SPAG17: variants seen among roughly 807,000 people sequenced by gnomAD.
The protein encoded by SPAG17 is sperm-associated antigen 17.
SPAG17 carries 169 observed loss-of-function variants against 273.6 expected under a neutral mutation model. That is an observed-to-expected ratio of 0.62 (90% CI 0.55 to 0.70). SPAG17 has a LOEUF of 0.70. Among genes scored for constraint, SPAG17 ranks in the 30% least tolerant of loss-of-function variants. The pLI, the probability that SPAG17 is intolerant of heterozygous loss-of-function variation, is 0.00. For synonymous variants in SPAG17, 825 were observed against 873.2 expected, an observed-to-expected ratio of 0.94 and a Z score of 0.97; for missense variants, 2,557 against 2,627.8, an observed-to-expected ratio of 0.97 and a Z score of 0.59.
chr1:118,025,343 G>C lies in SPAG17; in HGVS notation c.3804C>G (p.His1268Gln). ...VRQSYPQRVK[H>Q]YEFYKTVMPP... ...GCATCACCGTTTTATAGAACTCATA[G>C]TGCTTCACCCTCTGGGGGTAGCTCT... is the stretch of plus-strand genomic sequence containing the variant. Residue 1268 changes from histidine to glutamine, a missense_variant, in exon 27 of 49, where the codon CAC (histidine) becomes CAG (glutamine). Physicochemically the swap from His to Gln is conservative, Grantham distance 24. Transcript: ENST00000336338. The C allele has an allele frequency of 6.2e-7, 1 of 1,613,460 alleles. No homozygotes were observed. Among genetic ancestry groups the C allele is most frequent in the Non-Finnish European group, 8.5e-7 (1 of 1,179,718 alleles).
In SPAG17 at chr1:117,969,966, G is replaced by C. The variant is rs11578577; in HGVS notation, c.6387+90C>G. On this transcript the variant is annotated intron_variant, in intron 46 of 48. Transcript: ENST00000336338. Reference sequence around the variant, plus strand: ...ATACATAGTTTAAAAGGAATGGGCAGAATGGTTTCAAAGCCCACTTCACTG... The same window carrying C: ...ATACATAGTTTAAAAGGAATGGGCACAATGGTTTCAAAGCCCACTTCACTG... 6,442 of 1,153,732 alleles carry C rather than the reference G, an allele frequency of 5.6e-3. 38 individuals are homozygous for C. The highest frequency in any genetic ancestry group is 5.6e-3 in the Non-Finnish European group (4,357 of 781,584). The allele number at this position is 1,153,732 out of a possible 1,614,324, so 71.5% of individuals were successfully genotyped here.
intron 22 of SPAG17, 147 bp downstream of exon 22, chr1:118,040,583 G>C (rs773136044): frequency 6.4e-6 from 4 of 621,070 alleles, no homozygotes; most frequent in Admixed American, 5.7e-5. Context: ...AAAGTGTGAA[G>C]TCTGAAAATG....
At chr1:118,163,990 C>T (rs1449989546) in intron 1 of SPAG17, among the ~76,000 whole-genome samples, 1 of 152,164 alleles carries the variant, frequency 6.6e-6, no homozygotes, top group African/African-American at 2.4e-5. Flanking sequence ...TTCTCTCTAA[C>T]TTGACTCTTA....
At chr1:118,150,049 A>G (rs536595641) in intron 3 of SPAG17, among the ~76,000 whole-genome samples, 2 of 152,200 alleles carry the variant, frequency 1.3e-5, no homozygotes, top group African/African-American at 4.8e-5. Context: ...CATATCGATT[A>G]AAGTGGGATA....
intron 1 of SPAG17, among the ~76,000 whole-genome samples, chr1:118,157,273 A>C (rs1659700654): frequency 1.3e-5 from 2 of 152,182 alleles, no homozygotes; most frequent in South Asian, 4.1e-4. Context: ...AATATTAAGG[A>C]GGGCAAAGCA....
At chr1:118,039,270 A>T in intron 23 of SPAG17, 22 bp downstream of exon 23, 1 of 1,607,394 alleles carries the variant, frequency 6.2e-7, no homozygotes. Context: ...CAGAAGAAAG[A>T]AACCACTAAA....
At chr1:118,042,152 G>C in intron 20 of SPAG17, 110 bp from the exon 21 acceptor site, 1 of 1,303,648 alleles carries the variant, frequency 7.7e-7, no homozygotes, top group Non-Finnish European at 1.1e-6. Context: ...GTGTATCTCT[G>C]ACAAATCAAA....
At chr1:118,028,499 A>G in intron 25 of SPAG17, 105 bp from the exon 26 acceptor site, 1 of 1,451,344 alleles carries the variant, frequency 6.9e-7, no homozygotes, top group Non-Finnish European at 9.3e-7. Flanking sequence ...CATGACTTGC[A>G]CAGAGCTAGG....
At chr1:118,173,527 C>G (rs185892804) in intron 1 of SPAG17, among the ~76,000 whole-genome samples, 1 of 152,140 alleles carries the variant, frequency 6.6e-6, no homozygotes, top group East Asian at 1.9e-4. Context: ...AGCTTCAGGG[C>G]AATGGCACAC....
intron 20 of SPAG17, among the ~76,000 whole-genome samples, chr1:118,044,737 C>T (rs1416859562): frequency 6.6e-6 from 1 of 151,996 alleles, no homozygotes; most frequent in Non-Finnish European, 1.5e-5. Flanking sequence ...TGAGTGAGTT[C>T]TCAGGAGATC....
intron 30 of SPAG17, among the ~76,000 whole-genome samples, chr1:118,009,687 A>G (rs1336227971): frequency 1.3e-5 from 2 of 152,126 alleles, no homozygotes; most frequent in African/African-American, 2.4e-5. Context: ...GCCACCAATC[A>G]AAGACTATTA....
chr1:118,095,825 T>A (rs988923068), intron 7 of SPAG17, among the ~76,000 whole-genome samples: 1 of 151,986 alleles, frequency 6.6e-6, no homozygotes, highest in East Asian at 1.9e-4. Flanking sequence ...CAAGGCAACA[T>A]GAAATAGTGA....
intron 38 of SPAG17, 80 bp from the exon 39 acceptor site, chr1:117,988,284 A>T: frequency 2.0e-6 from 2 of 1,022,508 alleles, no homozygotes; most frequent in Non-Finnish European, 2.8e-6. Context: ...TACTCATTTG[A>T]GATGCCTGTT....
At chr1:118,066,538 A>G (rs779519938) in intron 18 of SPAG17, among the ~76,000 whole-genome samples, 1 of 152,216 alleles carries the variant, frequency 6.6e-6, no homozygotes, top group South Asian at 2.1e-4. Context: ...TGTTTTCTTT[A>G]GTGGTATAGC....
Position 117,966,643 on chromosome 1 carries a change from T to C in SPAG17, c.6498A>G (p.Thr2166=). The C allele has an allele frequency of 6.2e-7, 1 of 1,613,316 alleles. No individual in the cohort carries two copies. Among genetic ancestry groups the C allele is most frequent in the African/African-American group, 1.3e-5 (1 of 75,034 alleles). Reference sequence around the variant, plus strand: ...CAGGTAGGAACAGAACCTCATGCTCTGTCATAATCTCGATATTGTGAGAGA... The same window carrying C: ...CAGGTAGGAACAGAACCTCATGCTCCGTCATAATCTCGATATTGTGAGAGA... ...AHISHNIEIM[T]EHEVLFLPVE... The change falls in exon 47 of 49, where the codon ACA becomes ACG. Residue 2166 remains threonine, a synonymous_variant. Transcript: ENST00000336338.
At chr1:118,169,757 G>A (rs555003781) in intron 1 of SPAG17, among the ~76,000 whole-genome samples, 2 of 152,036 alleles carry the variant, frequency 1.3e-5, no homozygotes, top group African/African-American at 2.4e-5. Flanking sequence ...TACCTATCTT[G>A]AACTCATATC....
At chr1:118,002,999 G>A (rs889578173) in intron 32 of SPAG17, among the ~76,000 whole-genome samples, 24 of 152,136 alleles carry the variant, frequency 1.6e-4, no homozygotes, top group Non-Finnish European at 4.4e-5. Context: ...CTTCCTTCGG[G>A]TGCTCTTGTA....
chr1:118,123,034 A>G (rs1331484916), intron 3 of SPAG17, among the ~76,000 whole-genome samples: 1 of 152,252 alleles, frequency 6.6e-6, no homozygotes, highest in African/African-American at 2.4e-5. Context: ...TAAAAAGAAA[A>G]GGTGTAAAAA....
intron 4 of SPAG17, among the ~76,000 whole-genome samples, chr1:118,102,153 A>G (rs1011389713): frequency 1.6e-4 from 24 of 152,234 alleles, no homozygotes; most frequent in Non-Finnish European, 3.4e-4. Flanking sequence ...AAAGCTGGTT[A>G]CACAGAGACT....
Sources: allele counts gnomAD v4.1 joint callset (sites outside exome capture counted in the v4.1 genomes callset), GRCh38; gene constraint gnomAD v4.1.1; transcripts MANE v1.5; gene names NCBI Gene and HGNC (gene_info 2026-07-23, HGNC 2026-07-21).